Variants in ZFHX3 observed in about 807,000 individuals in gnomAD.
ZFHX3 encodes zinc finger homeobox 3.
ZFHX3 carries 42 observed loss-of-function variants against 279.1 expected under a neutral mutation model. The ratio of observed to expected loss-of-function variants is 0.15; its 90% CI spans 0.12 to 0.19. ZFHX3 has a LOEUF of 0.19. ZFHX3 is among the 10% of genes least tolerant of loss of function. ZFHX3 has a pLI of 1.00. For missense variants in ZFHX3, 4,981 were observed against 4,754.0 expected, an observed-to-expected ratio of 1.05 and a Z score of -1.40; for synonymous variants, 2,293 against 1,957.8, an observed-to-expected ratio of 1.17 and a Z score of -4.52.
chr16:73,630,729 G>A (rs923813235), intron 2 of ZFHX3, among the ~76,000 whole-genome samples: 1 of 152,230 alleles, frequency 6.6e-6, no homozygotes, highest in Non-Finnish European at 1.5e-5. Context: ...AACTGGCAGA[G>A]AAAGAAGCAA....
chr16:73,386,001 G>T lies in ZFHX3; in HGVS notation c.-1290-67665C>A, dbSNP rs796635717. Among the ~76,000 whole-genome samples, 39 of 152,078 alleles carry T rather than the reference G, an allele frequency of 2.6e-4. 1 individual carries two copies. Among genetic ancestry groups the T allele is most frequent in the African/African-American group, 9.2e-4 (38 of 41,490 alleles). The stretch of plus-strand genomic sequence containing the variant: ...ATGTGTGAAATGGTGGGGGGTGGGG[G>T]GTTACAAAATGATGCGGTTTGGTCT... On this transcript the variant is annotated intron_variant, in intron 3 of 17. Transcript: ENST00000641206.
chr16:73,691,689 A>G (rs1211805007), intron 1 of ZFHX3, among the ~76,000 whole-genome samples: 1 of 152,208 alleles, frequency 6.6e-6, no homozygotes, highest in Non-Finnish European at 1.5e-5. Context: ...ACTTCCCAAG[A>G]AAAACACCCA....
Position 72,812,575 on chromosome 16 carries a change from A to T in ZFHX3, c.3530-537T>A, listed in dbSNP as rs1252719617. Among the ~76,000 whole-genome samples, 4 of 152,298 alleles carry T rather than the reference A, an allele frequency of 2.6e-5. No homozygotes were observed. In the East Asian group the frequency reaches 7.7e-4, roughly 29 times the overall value. ...TCACATGAGTATCAGCACACCAAAT[A>T]TGTGGGGGAAAAAAATCAAGTTTGG... On this transcript the variant is annotated intron_variant, in intron 5 of 9. Coordinates refer to ENST00000268489, the MANE Select transcript of ZFHX3 (RefSeq NM_006885.4).
intron 2 of ZFHX3, among the ~76,000 whole-genome samples, chr16:73,669,504 G>C (rs546790253): frequency 2.0e-5 from 3 of 152,338 alleles, no homozygotes; most frequent in African/African-American, 7.2e-5. Context: ...ACTCAGGGAA[G>C]CTTGTAAGTT....
At chr16:73,469,387 A>G (rs2018624455) in intron 2 of ZFHX3, among the ~76,000 whole-genome samples, 1 of 152,030 alleles carries the variant, frequency 6.6e-6, no homozygotes, top group Non-Finnish European at 1.5e-5. Context: ...TGCGGTGGGG[A>G]GAGGGGAACA....
At chr16:73,819,979 C>T (rs1401682988) in intron 1 of ZFHX3, among the ~76,000 whole-genome samples, 2 of 152,178 alleles carry the variant, frequency 1.3e-5, no homozygotes, top group Non-Finnish European at 2.9e-5. Context: ...TGCAATGTGA[C>T]CTTGCCATGC....
chr16:73,709,552 C>T (rs79219820), intron 1 of ZFHX3, among the ~76,000 whole-genome samples: 3,809 of 151,916 alleles, frequency 0.025, 161 homozygotes, highest in African/African-American at 0.087. Context: ...CACATGATGT[C>T]GCTTATATGT....
Position 72,787,640 on chromosome 16 carries a change from G to C in ZFHX3, c.10636C>G (p.Gln3546Glu), listed in dbSNP as rs1322581123. The C allele has an allele frequency of 6.2e-7, 1 of 1,611,076 alleles. No individual in the cohort carries two copies. The highest frequency in any genetic ancestry group is 2.2e-5 in the East Asian group (1 of 44,526). The change falls in exon 10 of 10, where the codon CAA (glutamine) becomes GAA (glutamate). Residue 3546 changes from glutamine to glutamate, a missense_variant. Gln to Glu is a conservative substitution (Grantham distance 29, BLOSUM62 2). Transcript: ENST00000268489. ...TTGTGCAAGGCCGACTCGAGATGTT[G>C]ACTCAGAGCTTCCTCCCCACAGAGC... ...SALCGEEALS[Q>E]HLESALHKHR...
chr16:73,049,745 G>A (rs1225539320), upstream of ZFHX3, among the ~76,000 whole-genome samples: 1 of 152,316 alleles, frequency 6.6e-6, no homozygotes, highest in East Asian at 1.9e-4. Flanking sequence ...AACAGGGAAG[G>A]TGGAGGATGA....
rs2053031539 is a variant in ZFHX3 at position 73,682,906 on chromosome 16, GAGA to G, written c.-1607-2669_-1607-2667del. Among the ~76,000 whole-genome samples, 2 of 28,702 alleles carry G rather than the reference GAGA, an allele frequency of 7.0e-5. 1 individual carries two copies. Among genetic ancestry groups the G allele is most frequent in the African/African-American group, 1.6e-4 (2 of 12,168 alleles). The allele number at this position is 28,702 out of a possible 152,430, so 18.8% of individuals were successfully genotyped here. ...AGAAAGAAAGAAAGAAAGAAAGAAA[GAGA>G]AAGAAAGAGAGAAAGAGAAAGAAAG... On this transcript the variant is annotated intron_variant, in intron 1 of 17. Coordinates refer to the ZFHX3 transcript ENST00000641206.
At chr16:73,353,061 C>A (rs1035089297) in intron 3 of ZFHX3, among the ~76,000 whole-genome samples, 4 of 152,164 alleles carry the variant, frequency 2.6e-5, no homozygotes, top group African/African-American at 9.7e-5. Context: ...GGAATCCACA[C>A]AGGCAGTGAC....
chr16:73,856,209 G>A (rs1476142578), intron 1 of ZFHX3, among the ~76,000 whole-genome samples: 7 of 152,310 alleles, frequency 4.6e-5, no homozygotes, highest in African/African-American at 1.4e-4. Flanking sequence ...CAGTGACTAC[G>A]TGTAGGTGGT....
intron 5 of ZFHX3, among the ~76,000 whole-genome samples, chr16:73,208,329 A>G (rs1353626163): frequency 2.6e-5 from 4 of 152,226 alleles, no homozygotes. Flanking sequence ...TTCTCATATG[A>G]AAAACAGAAC....
intron 2 of ZFHX3, among the ~76,000 whole-genome samples, chr16:73,536,699 C>A (rs2019907547): frequency 6.6e-6 from 1 of 152,158 alleles, no homozygotes; most frequent in Non-Finnish European, 1.5e-5. Context: ...ATCAGTTAGG[C>A]TTGATTCTCT....
chr16:73,587,162 G>A lies in ZFHX3; in HGVS notation c.-1547+93018C>T, dbSNP rs187017387. Among the ~76,000 whole-genome samples the A allele has an allele frequency of 6.1e-4, 93 of 152,204 alleles. No individual in the cohort carries two copies. In the East Asian group the frequency reaches 0.016, roughly 26 times the overall value. ...CCTGGGAGAGGCCCAACTCTGTTTCGAAACATCAGTTCAGAACCATGATAG... is the reference window on the plus strand; with the variant it reads ...CCTGGGAGAGGCCCAACTCTGTTTCAAAACATCAGTTCAGAACCATGATAG... On this transcript the variant is annotated intron_variant, in intron 2 of 17. Coordinates refer to the ZFHX3 transcript ENST00000641206.
intron 4 of ZFHX3, among the ~76,000 whole-genome samples, chr16:73,297,846 G>A (rs1443542885): frequency 1.3e-5 from 2 of 151,888 alleles, no homozygotes; most frequent in African/African-American, 2.4e-5. Flanking sequence ...GAATAAATGA[G>A]ATAGCACTTA....
intron 3 of ZFHX3, among the ~76,000 whole-genome samples, chr16:73,354,944 G>A (rs1222005685): frequency 6.6e-6 from 1 of 152,170 alleles, no homozygotes; most frequent in Non-Finnish European, 1.5e-5. Flanking sequence ...CCACAAAGAG[G>A]ATTGATTGGC....
At chr16:73,440,121 T>C (rs144001656) in intron 3 of ZFHX3, among the ~76,000 whole-genome samples, 1 of 152,226 alleles carries the variant, frequency 6.6e-6, no homozygotes, top group Non-Finnish European at 1.5e-5. Context: ...GAGTATTTAC[T>C]GAACTGCCAA....
chr16:73,349,288 T>G (rs1221726144), intron 3 of ZFHX3, among the ~76,000 whole-genome samples: 2 of 152,072 alleles, frequency 1.3e-5, no homozygotes, highest in African/African-American at 4.8e-5. Flanking sequence ...CTCACACCCT[T>G]CCCCTGGAGT....
Sources: gnomAD v4.1 joint callset for allele counts (sites outside exome capture counted in the v4.1 genomes callset) on GRCh38, gnomAD v4.1.1 for gene constraint, MANE v1.5 for transcripts, NCBI Gene and HGNC (gene_info 2026-07-23, HGNC 2026-07-21) for gene names.